GRIA1: variants seen among roughly 807,000 people sequenced by gnomAD.
The protein encoded by GRIA1 is glutamate ionotropic receptor AMPA type subunit 1, also known as glutamate receptor 1.
In GRIA1, 31 loss-of-function variants were observed where a neutral mutation model predicts 99.2. The ratio of observed to expected loss-of-function variants is 0.31; its 90% CI spans 0.23 to 0.42. The LOEUF (loss-of-function observed/expected upper bound fraction) is 0.42, where lower values mean the gene tolerates loss of function less well. Among genes scored for constraint, GRIA1 ranks in the 10% least tolerant of loss-of-function variants. The pLI is 1.00. For missense variants in GRIA1, 782 were observed against 1,157.5 expected (o/e 0.68, Z 4.71); for synonymous variants, 438 against 432.4 (o/e 1.01, Z -0.16).
At chr5:153,729,015 A>G (rs1342500921) in intron 11 of GRIA1, among the ~76,000 whole-genome samples, 1 of 143,592 alleles carries the variant, frequency 7.0e-6, no homozygotes, top group African/African-American at 2.6e-5. Context: ...CTGGATTAAG[A>G]AAAGGTGGCA....
intron 2 of GRIA1, among the ~76,000 whole-genome samples, chr5:153,630,147 G>C (rs1484720446): frequency 6.6e-6 from 1 of 152,120 alleles, no homozygotes; most frequent in Non-Finnish European, 1.5e-5. Flanking sequence ...CTGTTACAGA[G>C]ATTAAAAGAA....
At chr5:153,810,795 A>T (rs557753157) in intron 15 of GRIA1, among the ~76,000 whole-genome samples, 12 of 152,304 alleles carry the variant, frequency 7.9e-5, no homozygotes, top group Non-Finnish European at 1.6e-4. Flanking sequence ...CACCCAATCT[A>T]ACACACTTCA....
chr5:153,585,365 CTG>C (rs1488804363), intron 2 of GRIA1, among the ~76,000 whole-genome samples: 2 of 120,400 alleles, frequency 1.7e-5, no homozygotes, highest in African/African-American at 6.4e-5. Context: ...CTGGAGTACA[CTG>C]TCGCGATCTC....
intron 10 of GRIA1, among the ~76,000 whole-genome samples, chr5:153,703,907 AT>A (rs1175659562): frequency 3.3e-5 from 5 of 152,170 alleles, no homozygotes; most frequent in South Asian, 2.1e-4. Context: ...AGTCATTTCC[AT>A]TACTTGTCTC....
intron 2 of GRIA1, among the ~76,000 whole-genome samples, chr5:153,528,145 G>T (rs1309592216): frequency 6.6e-6 from 1 of 152,058 alleles, no homozygotes; most frequent in Non-Finnish European, 1.5e-5. Context: ...GACTATGTGT[G>T]TTCTTTGCAT....
chr5:153,663,478 T>C (rs1475534000), intron 5 of GRIA1, among the ~76,000 whole-genome samples: 1 of 152,196 alleles, frequency 6.6e-6, no homozygotes, highest in African/African-American at 2.4e-5. Context: ...TAGCTGTTTG[T>C]CCATTGCAAG....
chr5:153,548,629 G>A (rs1043214208), intron 2 of GRIA1, among the ~76,000 whole-genome samples: 6 of 152,176 alleles, frequency 3.9e-5, no homozygotes, highest in Non-Finnish European at 7.4e-5. Context: ...GTAGGTTTGT[G>A]TGTTATTGTT....
chr5:153,536,071 G>C (rs1357882991), intron 2 of GRIA1, among the ~76,000 whole-genome samples: 1 of 152,162 alleles, frequency 6.6e-6, no homozygotes, highest in Admixed American at 6.5e-5. Context: ...AGCCTCCGTA[G>C]TGTGATATTG....
chr5:153,548,310 G>A (rs549249073), intron 2 of GRIA1, among the ~76,000 whole-genome samples: 31 of 152,268 alleles, frequency 2.0e-4, no homozygotes, highest in African/African-American at 7.5e-4. Context: ...TCCTGGGATG[G>A]CCTGAGGTGG....
At chr5:153,607,068 T>TATATATATATATATATA (rs1491415058) in intron 2 of GRIA1, among the ~76,000 whole-genome samples, 1 of 140,408 alleles carries the variant, frequency 7.1e-6, no homozygotes, top group Non-Finnish European at 1.6e-5. Context: ...TATATATATA[T>TATATATATATATATATA]AATCACAGTT....
Position 153,660,602 on chromosome 5 carries a change from C to T in GRIA1, c.699+4730C>T, listed in dbSNP as rs550781979. ...GTTTAAATCTTGTCTACAGTAGCAGCAATAGATCTGACATTCCAACCCAGG... is the reference window on the plus strand; with the variant it reads ...GTTTAAATCTTGTCTACAGTAGCAGTAATAGATCTGACATTCCAACCCAGG... On this transcript the variant is annotated intron_variant, in intron 5 of 15. Transcript: ENST00000285900. 2.6e-5 allele frequency among the ~76,000 whole-genome samples: 4 copies of T among 152,306 alleles called. No individual in the cohort carries two copies. The East Asian group carries it at 7.7e-4, about 29-fold the overall frequency.
At chr5:153,786,337 T>A (rs1006705349) in intron 13 of GRIA1, among the ~76,000 whole-genome samples, 1 of 152,062 alleles carries the variant, frequency 6.6e-6, no homozygotes, top group Non-Finnish European at 1.5e-5. Flanking sequence ...TTTGCCCTTT[T>A]CACAGAACAC....
chr5:153,563,364 T>C (rs1382188517), intron 2 of GRIA1, among the ~76,000 whole-genome samples: 1 of 152,158 alleles, frequency 6.6e-6, no homozygotes, highest in Non-Finnish European at 1.5e-5. Context: ...CTCAGAGATA[T>C]GGAAGACACC....
At chr5:153,691,292 C>A (rs1473779056) in intron 8 of GRIA1, among the ~76,000 whole-genome samples, 1 of 152,198 alleles carries the variant, frequency 6.6e-6, no homozygotes, top group African/African-American at 2.4e-5. Context: ...GGTAGAATCA[C>A]AAATTCTGAT....
intron 2 of GRIA1, among the ~76,000 whole-genome samples, chr5:153,609,614 A>G (rs1304233904): frequency 8.4e-6 from 1 of 119,022 alleles, no homozygotes; most frequent in Admixed American, 1.2e-4. Flanking sequence ...CCCAGGCTGG[A>G]GTGCAGTGGA....
At chr5:153,737,996 T>C (rs1433888960) in intron 11 of GRIA1, among the ~76,000 whole-genome samples, 2 of 152,152 alleles carry the variant, frequency 1.3e-5, no homozygotes, top group East Asian at 1.9e-4. Flanking sequence ...AGGGTATACA[T>C]AGGGGCCCCT....
intron 2 of GRIA1, among the ~76,000 whole-genome samples, chr5:153,645,255 C>T (rs1369471644): frequency 6.6e-6 from 1 of 152,078 alleles, no homozygotes; most frequent in African/African-American, 2.4e-5. Flanking sequence ...TAATGATCAC[C>T]TGCCAGGTTT....
At chr5:153,594,517 C>CTCTA (rs1764255982) in intron 2 of GRIA1, among the ~76,000 whole-genome samples, 1 of 152,002 alleles carries the variant, frequency 6.6e-6, no homozygotes, top group South Asian at 2.1e-4. Context: ...TCTATTCATA[C>CTCTA]TCTAGAATGA....
intron 2 of GRIA1, among the ~76,000 whole-genome samples, chr5:153,558,763 G>T (rs1414963747): frequency 2.6e-5 from 4 of 151,978 alleles, no homozygotes; most frequent in Non-Finnish European, 1.5e-5. Context: ...ATGGGGAGTG[G>T]GCTTATGGAG....
Sources: gnomAD v4.1 joint callset for allele counts (sites outside exome capture counted in the v4.1 genomes callset) on GRCh38, gnomAD v4.1.1 for gene constraint, MANE v1.5 for transcripts, NCBI Gene and HGNC (gene_info 2026-07-23, HGNC 2026-07-21) for gene names.